ANO3: variants seen among roughly 807,000 people sequenced by gnomAD.
ANO3 encodes the protein anoctamin-3.
ANO3 carries 99 observed loss-of-function variants against 144.8 expected under a neutral mutation model. The ratio of observed to expected loss-of-function variants is 0.68; its 90% CI spans 0.58 to 0.81. The LOEUF (loss-of-function observed/expected upper bound fraction) is 0.81. Ranked by LOEUF, ANO3 falls within the 30% of genes least tolerant of loss-of-function variation. The probability of loss-of-function intolerance (pLI) is 0.00; values close to 1 mark genes in which losing one functional copy is unlikely to be tolerated. For missense variants in ANO3, 905 were observed against 1,202.2 expected (o/e 0.75, Z 3.66); for synonymous variants, 414 against 392.6 (o/e 1.05, Z -0.64).
intron 14 of ANO3, among the ~76,000 whole-genome samples, chr11:26,573,117 T>C (rs1850891404): frequency 6.6e-6 from 1 of 152,102 alleles, no homozygotes; most frequent in Non-Finnish European, 1.5e-5. Flanking sequence ...TCATACTTGG[T>C]TTCTGCTGCA....
At chr11:26,231,356 A>G (rs1852395837) in intron 1 of ANO3, among the ~76,000 whole-genome samples, 1 of 152,160 alleles carries the variant, frequency 6.6e-6, no homozygotes, top group Non-Finnish European at 1.5e-5. Flanking sequence ...CTTAAATGAA[A>G]CAGAGGCAGA....
At chr11:26,242,335 A>G (rs888272313) in intron 1 of ANO3, among the ~76,000 whole-genome samples, 4 of 152,240 alleles carry the variant, frequency 2.6e-5, no homozygotes, top group Admixed American at 1.3e-4. Context: ...TATTCCATCC[A>G]TATGAAATCT....
chr11:26,636,502 C>G (rs926744230), intron 20 of ANO3, among the ~76,000 whole-genome samples: 1 of 152,174 alleles, frequency 6.6e-6, no homozygotes, highest in African/African-American at 2.4e-5. Context: ...GCAATTGTTT[C>G]TAAGTGCTCT....
At chr11:26,523,869 T>G (rs771364086) in intron 6 of ANO3, among the ~76,000 whole-genome samples, 114 of 152,322 alleles carry the variant, frequency 7.5e-4, no homozygotes, top group Non-Finnish European at 1.5e-3. Context: ...CATATTATTT[T>G]ATAATATTCC....
chr11:26,505,765 G>T (rs1861401717), intron 4 of ANO3, among the ~76,000 whole-genome samples: 1 of 152,050 alleles, frequency 6.6e-6, no homozygotes, highest in East Asian at 1.9e-4. Context: ...GAGGCCAGGA[G>T]ATCGAGACCG....
intron 1 of ANO3, among the ~76,000 whole-genome samples, chr11:26,408,020 C>T (rs763510380): frequency 2.0e-5 from 3 of 151,794 alleles, no homozygotes; most frequent in African/African-American, 4.8e-5. Context: ...CCATAAAAAC[C>T]CTAGAAGAAA....
chr11:26,634,996 A>G lies in ANO3; in HGVS notation c.1986-17A>G. ...AACCCCACTTAAATGCTAATGAACT[A>G]AAATGTCTTCTTACAGATTCGTAGG... On this transcript the variant is annotated splice_polypyrimidine_tract_variant and intron_variant, in intron 19 of 26. Coordinates refer to ENST00000256737, the MANE Select transcript of ANO3 (RefSeq NM_031418.4). 2 of 1,609,078 alleles carry G rather than the reference A, an allele frequency of 1.2e-6. No individual in the cohort carries two copies. Among genetic ancestry groups the G allele is most frequent in the Non-Finnish European group, 8.5e-7 (1 of 1,175,586 alleles).
At chr11:26,626,517 C>T (rs1462463102) in intron 18 of ANO3, among the ~76,000 whole-genome samples, 1 of 152,138 alleles carries the variant, frequency 6.6e-6, no homozygotes, top group Non-Finnish European at 1.5e-5. Context: ...TTGGTTGTTG[C>T]CTGGGAAGAG....
chr11:26,554,921 G>C (rs1259760597), intron 13 of ANO3, among the ~76,000 whole-genome samples: 1 of 151,998 alleles, frequency 6.6e-6, no homozygotes, highest in African/African-American at 2.4e-5. Flanking sequence ...GTGCATTTTG[G>C]GGGTGTTTCC....
At chr11:26,417,761 C>T (rs74405820) in intron 1 of ANO3, among the ~76,000 whole-genome samples, 1 of 151,858 alleles carries the variant, frequency 6.6e-6, no homozygotes, top group Admixed American at 6.6e-5. Flanking sequence ...GAAATTAAAA[C>T]TCAAGTTCTG....
chr11:26,570,856 T>A (rs903100066), intron 14 of ANO3, among the ~76,000 whole-genome samples: 1 of 152,064 alleles, frequency 6.6e-6, no homozygotes, highest in African/African-American at 2.4e-5. Flanking sequence ...AATGAGGACA[T>A]AAGACATCCT....
rs1394098200 is a variant in ANO3, at chr11:26,662,836, G to T, written c.*2392G>T. ...AAATACTGACAGCCCCTTGCAGTGTGTTAGTTTTAGATCACTCTGTTTTAG... is the reference window on the plus strand; with the variant it reads ...AAATACTGACAGCCCCTTGCAGTGTTTTAGTTTTAGATCACTCTGTTTTAG... On this transcript the variant is annotated 3_prime_UTR_variant, in exon 27 of 27. Coordinates refer to ENST00000256737, the MANE Select transcript of ANO3 (RefSeq NM_031418.4). The T allele has an allele frequency of 6.6e-6, 1 of 152,336 alleles. No individual in the cohort carries two copies. Among genetic ancestry groups the T allele is most frequent in the Non-Finnish European group, 1.5e-5 (1 of 67,938 alleles). 9.4% of individuals were successfully genotyped at this position (152,336 alleles called of 1,614,324 possible). A position where few individuals can be genotyped will look rare whatever the true frequency, so the allele number is the denominator to read the frequency against.
chr11:26,246,747 G>C (rs1036811328), intron 1 of ANO3, among the ~76,000 whole-genome samples: 3 of 151,992 alleles, frequency 2.0e-5, no homozygotes, highest in Admixed American at 2.0e-4. Context: ...ATGGGGGTGG[G>C]TTTTTCCTGT....
chr11:26,527,876 G>A (rs1411746587), intron 7 of ANO3, among the ~76,000 whole-genome samples: 6 of 98,904 alleles, frequency 6.1e-5, no homozygotes, highest in Admixed American at 1.1e-4. Context: ...AAACAAAAAA[G>A]ACTCCCTTAT....
chr11:26,285,075 T>C (rs1387810127), intron 1 of ANO3, among the ~76,000 whole-genome samples: 1 of 152,002 alleles, frequency 6.6e-6, no homozygotes, highest in Non-Finnish European at 1.5e-5. Context: ...GCTACCACTA[T>C]GTGGTTTATT....
intron 1 of ANO3, among the ~76,000 whole-genome samples, chr11:26,201,808 CTCTT>C (rs1851699041): frequency 6.7e-6 from 1 of 149,278 alleles, no homozygotes; most frequent in Admixed American, 6.7e-5. Flanking sequence ...AAAGCACTGA[CTCTT>C]TCTTGGTCTC....
chr11:26,393,890 T>A (rs553414755), intron 1 of ANO3, among the ~76,000 whole-genome samples: 1 of 152,154 alleles, frequency 6.6e-6, no homozygotes, highest in Non-Finnish European at 1.5e-5. Context: ...TTTTGACATT[T>A]CCCTGAAACT....
At position 26,641,950 on chromosome 11, in the gene ANO3, T is replaced by C. The variant is rs1253335072; in HGVS notation, c.2196T>C (p.Ala732=). 6.2e-7 allele frequency: 1 copy of C among 1,613,998 alleles called. No individual in the cohort carries two copies. Among genetic ancestry groups the C allele is most frequent in the South Asian group, 1.1e-5 (1 of 91,078 alleles). The change falls in exon 22 of 27, where the codon GCT becomes GCC. Residue 732 remains alanine, a synonymous_variant. Transcript: ENST00000256737. ...RHKIKRGIHD[A]SIPQWENDWN... ...AAATCAAGCGGGGAATACATGATGC[T>C]TCCATACCTCAGTGGGAAAATGATT... is the stretch of plus-strand genomic sequence containing the variant.
At chr11:26,576,822 G>A (rs1032711308) in intron 14 of ANO3, among the ~76,000 whole-genome samples, 1 of 152,108 alleles carries the variant, frequency 6.6e-6, no homozygotes, top group African/African-American at 2.4e-5. Context: ...CTTGCACAGA[G>A]TAAATGCTGG....
Sources: gnomAD v4.1 joint callset for allele counts (sites outside exome capture counted in the v4.1 genomes callset) on GRCh38, gnomAD v4.1.1 for gene constraint, MANE v1.5 for transcripts, NCBI Gene and HGNC (gene_info 2026-07-23, HGNC 2026-07-21) for gene names.